The following DUSP15 variants were observed in gnomAD, a reference collection of about 807,000 sequenced individuals.
DUSP15 encodes the protein dual specificity protein phosphatase 15.
In DUSP15, 23 loss-of-function variants were observed where a neutral mutation model predicts 26.3. The observed-to-expected ratio is 0.87, with a 90% CI of 0.63 to 1.24. DUSP15 has a LOEUF of 1.24. Ranked by LOEUF, DUSP15 falls within the 50% of genes most tolerant of loss-of-function variation. The probability of loss-of-function intolerance (pLI) is 0.00; values close to 1 mark genes in which losing one functional copy is unlikely to be tolerated. For synonymous variants in DUSP15, 143 were observed against 135.5 expected, an observed-to-expected ratio of 1.06 and a Z score of -0.39; for missense variants, 364 against 320.6, an observed-to-expected ratio of 1.14 and a Z score of -1.03.
chr20:31,866,644 A>G (rs1373937645), intron 3 of DUSP15, among the ~76,000 whole-genome samples: 1 of 152,224 alleles, frequency 6.6e-6, no homozygotes, highest in African/African-American at 2.4e-5. Flanking sequence ...GCATCCTCAC[A>G]GCAGCCTTCT....
Position 31,861,582 on chromosome 20 carries a change from GCC to G in DUSP15, c.527_528del (p.Arg176ProfsTer134), listed in dbSNP as rs1491156268. ...GAGGAGGCCGAGGTCGCGGAGCCCT[GCC>G]GGCAGCGCTTGCACAGCGGCAGCAG... is the stretch of plus-strand genomic sequence containing the variant. ...RALLPLCKRC[R>X]QGSATSASSA... On this transcript the variant is annotated frameshift_variant, in exon 7 of 7. Transcript: ENST00000339738. LOFTEE classifies it high-confidence loss of function. The G allele has an allele frequency of 3.3e-6, 5 of 1,497,060 alleles. No homozygotes were observed. The highest frequency in any genetic ancestry group is 4.4e-6 in the Non-Finnish European group (5 of 1,131,584). The allele number at this position is 1,497,060 out of a possible 1,614,324, so 92.7% of individuals were successfully genotyped here.
rs1041573379 is a variant in DUSP15, at chr20:31,863,891, C to T, written c.263+16G>A. ...CTTCCTTCCTCCCCCACCTTATCCC[C>T]CTCCGCTTAACTCACCAGTGCACAA... On this transcript the variant is annotated intron_variant, in intron 5 of 6. Transcript: ENST00000339738. 3.1e-6 allele frequency: 5 copies of T among 1,612,664 alleles called. No individual in the cohort carries two copies. The highest frequency in any genetic ancestry group is 1.3e-5 in the African/African-American group (1 of 74,888).
At chr20:31,856,224 A>G, downstream of DUSP15, among the ~76,000 whole-genome samples, 1 of 152,220 alleles carries the variant, frequency 6.6e-6, no homozygotes, top group South Asian at 2.1e-4. Context: ...TAAAGACATG[A>G]AACATTTAGA....
intron 3 of DUSP15, 74 bp from the exon 4 acceptor site, chr20:31,865,076 G>A: frequency 1.9e-6 from 3 of 1,548,524 alleles, no homozygotes; most frequent in South Asian, 1.1e-5. Flanking sequence ...AGCTGCCCAG[G>A]CAGGGCATAA....
At chr20:31,862,377 A>G (rs1304632120) in intron 6 of DUSP15, among the ~76,000 whole-genome samples, 194 bp downstream of exon 6, 1 of 152,188 alleles carries the variant, frequency 6.6e-6, no homozygotes, top group African/African-American at 2.4e-5. Context: ...CAAATTCTAA[A>G]TTGAAAAAGA....
Position 31,867,073 on chromosome 20 carries a change from G to T in DUSP15, c.136C>A (p.Gln46Lys). 2 of 1,580,950 alleles carry T rather than the reference G, an allele frequency of 1.3e-6. No homozygotes were observed. Among genetic ancestry groups the T allele is most frequent in the Non-Finnish European group, 1.7e-6 (2 of 1,162,320 alleles). The change falls in exon 3 of 7, where the codon CAG becomes AAG. Residue 46 changes from glutamine (Q) to lysine (K), a missense_variant and splice_region_variant. By Grantham distance (53) the Gln-to-Lys change is moderately conservative (BLOSUM62 1). Coordinates refer to ENST00000339738, the MANE Select transcript of DUSP15 (RefSeq NM_080611.5). ...CCTGGGATGGGGGTAAGAAGTACCT[G>T]CAGCAGAGGCTGGGGTGACTCATGG... is the stretch of plus-strand genomic sequence containing the variant. ...SIHESPQPLL[Q>K]DITYLRIPVA...
At position 31,861,294 on chromosome 20, in the gene DUSP15, C is replaced by T; in HGVS notation, c.*109G>A. 1 of 1,370,542 alleles carries T rather than the reference C, an allele frequency of 7.3e-7. No individual in the cohort carries two copies. The highest frequency in any genetic ancestry group is 9.4e-7 in the Non-Finnish European group (1 of 1,068,612). The allele number at this position is 1,370,542 out of a possible 1,614,324, so 84.9% of individuals were successfully genotyped here. Reference sequence around the variant, plus strand: ...CGGGCGCGGGAGGCAGGGTTCAGGCCGCCGCGGGGCTCCCCCAGCCTCTGG... The same window carrying T: ...CGGGCGCGGGAGGCAGGGTTCAGGCTGCCGCGGGGCTCCCCCAGCCTCTGG... On this transcript the variant is annotated 3_prime_UTR_variant, in exon 7 of 7. Transcript: ENST00000339738.
chr20:31,848,788 G>A (rs2062410531), intron 9 of DUSP15: 2 of 1,603,662 alleles, frequency 1.2e-6, no homozygotes, highest in East Asian at 4.5e-5. Context: ...CTTGGCTGGA[G>A]TGGAAGGAGT....
Position 31,870,425 on chromosome 20 carries a change from C to G in DUSP15, c.-88G>C. The G allele has an allele frequency of 7.7e-7, 1 of 1,291,402 alleles. No individual in the cohort carries two copies. Among genetic ancestry groups the G allele is most frequent in the Non-Finnish European group, 9.8e-7 (1 of 1,023,502 alleles). 80.0% of individuals were successfully genotyped at this position (1,291,402 alleles called of 1,614,324 possible). The stretch of plus-strand genomic sequence containing the variant: ...AGCTGCCCTGACGGCCCAGGCCCGA[C>G]GCCTGCAGCCTGGCGGGGAACGGGG... On this transcript the variant is annotated 5_prime_UTR_variant, in exon 1 of 7. Transcript: ENST00000339738. The surrounding 1 kb of genome is among the most constrained non-coding windows in gnomAD (Gnocchi z 6.6).
intron 6 of DUSP15, among the ~76,000 whole-genome samples, chr20:31,852,422 A>G (rs1054859789): frequency 1.3e-5 from 2 of 152,202 alleles, no homozygotes; most frequent in Non-Finnish European, 2.9e-5. Context: ...ATGAGCAAAG[A>G]GATCCTTGTT....
At chr20:31,862,219 A>G (rs887470913) in intron 6 of DUSP15, among the ~76,000 whole-genome samples, 1 of 152,092 alleles carries the variant, frequency 6.6e-6, no homozygotes, top group African/African-American at 2.4e-5. Flanking sequence ...GGTCTCATCA[A>G]GGACACAGGG....
downstream of DUSP15, among the ~76,000 whole-genome samples, chr20:31,846,165 A>G (rs1600422226): frequency 8.1e-6 from 1 of 123,274 alleles, no homozygotes; most frequent in African/African-American, 4.3e-5. Context: ...CACAGACATA[A>G]GCACACACAC....
chr20:31,864,471 G>A (rs1600475042), intron 4 of DUSP15: 1 of 1,044,978 alleles, frequency 9.6e-7, no homozygotes, highest in Non-Finnish European at 1.2e-6. Flanking sequence ...TCTGAGCTCA[G>A]TTATACTCCA....
chr20:31,862,642 T>C lies in DUSP15; in HGVS notation c.364A>G (p.Arg122Gly). Residue 122 changes from arginine (R) to glycine (G), a missense_variant, in exon 6 of 7, where the codon AGG becomes GGG. Coordinates refer to ENST00000339738, the MANE Select transcript of DUSP15 (RefSeq NM_080611.5). The stretch of plus-strand genomic sequence containing the variant: ...CCTGGGTTGGGGTTGGCGATGGGCC[T>C]GGTGGCCTTGATGGCTTCAAGCACG... ...RDVLEAIKAT[R>G]PIANPNPGFR... 1 of 1,614,162 alleles carries C rather than the reference T, an allele frequency of 6.2e-7. No individual in the cohort carries two copies. The highest frequency in any genetic ancestry group is 1.1e-5 in the South Asian group (1 of 91,084).
chr20:31,865,200 T>C (rs1485813190), intron 3 of DUSP15, among the ~76,000 whole-genome samples, 198 bp from the exon 4 acceptor site: 4 of 152,246 alleles, frequency 2.6e-5, no homozygotes, highest in Middle Eastern at 3.4e-3. Context: ...CTGAACCTTC[T>C]AAGCACATGG....
chr20:31,851,046 G>T (rs2062460152), intron 6 of DUSP15, among the ~76,000 whole-genome samples: 1 of 152,232 alleles, frequency 6.6e-6, no homozygotes, highest in Non-Finnish European at 1.5e-5. Flanking sequence ...AGGGCTGGCT[G>T]TCCAATGTAT....
chr20:31,849,654 C>T (rs577236838), intron 8 of DUSP15: 2 of 1,521,488 alleles, frequency 1.3e-6, no homozygotes, highest in Non-Finnish European at 1.8e-6. Flanking sequence ...CCTCCGGAGC[C>T]ACCCAGAGCT....
intron 6 of DUSP15, among the ~76,000 whole-genome samples, chr20:31,855,026 A>G (rs1406268841): frequency 1.3e-5 from 2 of 152,222 alleles, no homozygotes; most frequent in African/African-American, 4.8e-5. Context: ...TCATGCCTGA[A>G]CGAAGCTTAT....
downstream of DUSP15, among the ~76,000 whole-genome samples, chr20:31,857,598 T>C (rs1382901925): frequency 2.0e-5 from 3 of 152,238 alleles, no homozygotes; most frequent in African/African-American, 7.2e-5. Flanking sequence ...TCCCCCACTT[T>C]AGTTCTTTTC....
Sources: gnomAD v4.1 joint callset for allele counts (sites outside exome capture counted in the v4.1 genomes callset) on GRCh38, gnomAD v4.1.1 for gene constraint, Gnocchi (gnomAD v3.1) non-coding constraint, MANE v1.5 for transcripts, NCBI Gene and HGNC (gene_info 2026-07-23, HGNC 2026-07-21) for gene names.